Variants in ZNF66 observed in about 807,000 individuals in gnomAD.
ZNF66 encodes zinc finger protein 66, also known as putative zinc finger protein 66.
In ZNF66, 32 loss-of-function variants were observed where a neutral mutation model predicts 35.2. That is an observed-to-expected ratio of 0.91 (90% CI 0.69 to 1.22). ZNF66 has a LOEUF of 1.22. Among genes scored for constraint, ZNF66 ranks in the 50% most tolerant of loss-of-function variants. The pLI is 0.00. For missense variants in ZNF66, 666 were observed against 543.1 expected, an observed-to-expected ratio of 1.23 and a Z score of -2.25; for synonymous variants, 231 against 181.3, an observed-to-expected ratio of 1.27 and a Z score of -2.20.
intron 3 of ZNF66, chr19:20,794,079 T>C (rs1372420338): frequency 5.2e-6 from 3 of 582,426 alleles, no homozygotes; most frequent in Non-Finnish European, 3.0e-6. Context: ...TGCTTCTAAA[T>C]TCTCTAAAAA....
At chr19:20,803,817 T>G (rs1971474104) in intron 3 of ZNF66, among the ~76,000 whole-genome samples, 1 of 152,170 alleles carries the variant, frequency 6.6e-6, no homozygotes, top group Non-Finnish European at 1.5e-5. Context: ...TTGGAAGTGC[T>G]TCTTTCTATT....
At chr19:20,805,215 T>A (rs1321322713) in intron 3 of ZNF66, among the ~76,000 whole-genome samples, 1 of 151,770 alleles carries the variant, frequency 6.6e-6, no homozygotes, top group African/African-American at 2.4e-5. Context: ...TATCTGCCAT[T>A]ACAGAGTCTC....
intron 3 of ZNF66, chr19:20,799,079 T>TTTTA (rs1568498624): frequency 7.6e-6 from 1 of 130,948 alleles, no homozygotes; most frequent in African/African-American, 2.8e-5. Context: ...TTTTTTTTTT[T>TTTTA]GAGATGGAAT....
chr19:20,798,472 G>A (rs1331751223), intron 3 of ZNF66, among the ~76,000 whole-genome samples: 1 of 152,006 alleles, frequency 6.6e-6, no homozygotes, highest in Non-Finnish European at 1.5e-5. Flanking sequence ...GTGGTGTGCA[G>A]CTGTGGTCCC....
At chr19:20,777,994 A>C (rs565188911) in intron 1 of ZNF66, among the ~76,000 whole-genome samples, 2 of 152,208 alleles carry the variant, frequency 1.3e-5, no homozygotes. Context: ...AATTTTTTCT[A>C]TATCCTTTTA....
chr19:20,790,570 C>G (rs1971327610), intron 1 of ZNF66, among the ~76,000 whole-genome samples: 1 of 131,938 alleles, frequency 7.6e-6, no homozygotes, highest in South Asian at 2.5e-4. Flanking sequence ...GCTCCTGAAT[C>G]TCTTCTGTTT....
chr19:20,783,279 A>G (rs1417479638), intron 1 of ZNF66, among the ~76,000 whole-genome samples: 1 of 152,188 alleles, frequency 6.6e-6, no homozygotes, highest in African/African-American at 2.4e-5. Context: ...AAGTGCATAC[A>G]GTGTGAAAAA....
chr19:20,793,883 G>T lies in ZNF66; in HGVS notation c.226+5G>T. 5 of 1,144,676 alleles carry T rather than the reference G, an allele frequency of 4.4e-6. No individual in the cohort carries two copies. The highest frequency in any genetic ancestry group is 6.1e-6 in the Non-Finnish European group (5 of 814,690). 70.9% of individuals were successfully genotyped at this position (1,144,676 alleles called of 1,614,324 possible). A position where few individuals can be genotyped will look rare whatever the true frequency, so the allele number is the denominator to read the frequency against. On this transcript the variant is annotated splice_donor_5th_base_variant and intron_variant, in intron 3 of 3. Transcript: ENST00000344519. ...AGATGGTAGCCAACCCCTCAGGTAG[G>T]TGTGAGTGAAAATGAATACAACAGA...
chr19:20,781,034 A>G (rs1219298150), intron 1 of ZNF66, among the ~76,000 whole-genome samples: 2 of 152,184 alleles, frequency 1.3e-5, no homozygotes, highest in African/African-American at 4.8e-5. Flanking sequence ...CTCCTGGCAT[A>G]TCCCCATCCA....
rs1971281748 is a variant in ZNF66, at chr19:20,785,760, TG to T, written c.4-6751del. Among the ~76,000 whole-genome samples the T allele has an allele frequency of 5.9e-5, 9 of 151,570 alleles. 1 individual carries two copies. The highest frequency in any genetic ancestry group is 1.9e-4 in the African/African-American group (8 of 41,222). On this transcript the variant is annotated intron_variant, in intron 1 of 3. Coordinates refer to ENST00000344519, the MANE Select transcript of ZNF66 (RefSeq NM_001355197.2). ...TTTTTCTTCTTTTTCTGTTTTTGTT[TG>T]TTTGTTTGTTTGTTTTTTGAGATAG...
chr19:20,808,633 G>C lies in ZNF66; in HGVS notation c.*1311G>C, dbSNP rs1458148080. ...AACTCCAACAGACCTGCAGCTGAGG[G>C]TCCTGTCTGTTAGAAGGAAAACTAA... On this transcript the variant is annotated 3_prime_UTR_variant, in exon 4 of 4. Coordinates refer to ENST00000344519, the MANE Select transcript of ZNF66 (RefSeq NM_001355197.2). Among the ~76,000 whole-genome samples, 6 of 152,136 alleles carry C rather than the reference G, an allele frequency of 3.9e-5. No individual in the cohort carries two copies. Among genetic ancestry groups the C allele is most frequent in the African/African-American group, 1.4e-4 (6 of 41,424 alleles).
At chr19:20,783,954 T>G (rs1044644961) in intron 1 of ZNF66, among the ~76,000 whole-genome samples, 1 of 152,168 alleles carries the variant, frequency 6.6e-6, no homozygotes, top group African/African-American at 2.4e-5. Flanking sequence ...CCTCCCAGAT[T>G]CAAGTGATTC....
chr19:20,787,292 G>A (rs1021404332), intron 1 of ZNF66, among the ~76,000 whole-genome samples: 2 of 152,038 alleles, frequency 1.3e-5, no homozygotes, highest in Admixed American at 1.3e-4. Flanking sequence ...CAAATAAACT[G>A]TCTACTTATG....
intron 3 of ZNF66, among the ~76,000 whole-genome samples, chr19:20,804,755 T>A (rs1971483595): frequency 6.6e-6 from 1 of 152,244 alleles, no homozygotes; most frequent in South Asian, 2.1e-4. Context: ...TTGTCATGGC[T>A]AGAGATTTTG....
intron 3 of ZNF66, among the ~76,000 whole-genome samples, chr19:20,797,291 C>T (rs898912447): frequency 2.4e-5 from 3 of 123,802 alleles, no homozygotes; most frequent in Admixed American, 8.2e-5. Flanking sequence ...CTGCAGGCTC[C>T]GCCCCCTGGG....
At chr19:20,799,061 C>A in intron 3 of ZNF66, 1 of 116,708 alleles carries the variant, frequency 8.6e-6, no homozygotes, top group African/African-American at 3.3e-5. Context: ...CTTTTTCTTT[C>A]TTTCTTTTTT....
At position 20,807,457 on chromosome 19, in the gene ZNF66, C is replaced by T; in HGVS notation, c.*135C>T. The T allele has an allele frequency of 1.9e-6, 1 of 535,926 alleles. No homozygotes were observed. The highest frequency in any genetic ancestry group is 2.9e-5 in the East Asian group (1 of 33,978). 33.2% of individuals were successfully genotyped at this position (535,926 alleles called of 1,614,324 possible). A position where few individuals can be genotyped will look rare whatever the true frequency, so the allele number is the denominator to read the frequency against. On this transcript the variant is annotated 3_prime_UTR_variant, in exon 4 of 4. Coordinates refer to ENST00000344519, the MANE Select transcript of ZNF66 (RefSeq NM_001355197.2). ...GAGAATTTATGGAACACAAACACTA[C>T]AAATATAAAGAATGTGACAAAGCTT... is the stretch of plus-strand genomic sequence containing the variant.
rs1350530184 is a variant in ZNF66, at chr19:20,808,726, T to TA, written c.*1408dup. Among the ~76,000 whole-genome samples, 5 of 151,714 alleles carry TA rather than the reference T, an allele frequency of 3.3e-5. No homozygotes were observed. Among genetic ancestry groups the TA allele is most frequent in the Non-Finnish European group, 7.4e-5 (5 of 67,952 alleles). On this transcript the variant is annotated 3_prime_UTR_variant, in exon 4 of 4. Transcript: ENST00000344519. Reference sequence around the variant, plus strand: ...ACCATCATCAAAGACCAAAAGTAGATAAAACCACAAAGATGGGGAAAAAAC... The same window carrying TA: ...ACCATCATCAAAGACCAAAAGTAGATAAAAACCACAAAGATGGGGAAAAAAC...
intron 3 of ZNF66, among the ~76,000 whole-genome samples, chr19:20,796,124 A>C (rs1452157957): frequency 6.6e-6 from 1 of 152,026 alleles, no homozygotes; most frequent in Non-Finnish European, 1.5e-5. Flanking sequence ...CCTGGCCTGA[A>C]GCAGTTCTCC....
Sources: allele counts gnomAD v4.1 joint callset (sites outside exome capture counted in the v4.1 genomes callset), GRCh38; gene constraint gnomAD v4.1.1; transcripts MANE v1.5; gene names NCBI Gene and HGNC (gene_info 2026-07-23, HGNC 2026-07-21).